The following PBX3 variants were observed in gnomAD, a reference collection of about 807,000 sequenced individuals.
The protein encoded by PBX3 is PBX homeobox 3.
Under a neutral mutation model 48.5 loss-of-function variants are expected in PBX3, and 14 were observed. That is an observed-to-expected ratio of 0.29 (90% CI 0.19 to 0.45). The LOEUF (loss-of-function observed/expected upper bound fraction) is 0.45. Ranked by LOEUF, PBX3 falls within the 20% of genes least tolerant of loss-of-function variation. The pLI, the probability that PBX3 is intolerant of heterozygous loss-of-function variation, is 1.00. For synonymous variants in PBX3, 210 were observed against 200.3 expected (o/e 1.05, Z -0.41); for missense variants, 386 against 546.7 (o/e 0.71, Z 2.93).
chr9:125,766,123 T>C (rs1386440153), intron 2 of PBX3, among the ~76,000 whole-genome samples: 1 of 152,122 alleles, frequency 6.6e-6, no homozygotes, highest in Non-Finnish European at 1.5e-5. Context: ...TCTATTTTTT[T>C]TAGCACACAG....
intron 2 of PBX3, among the ~76,000 whole-genome samples, chr9:125,899,229 T>TTATATATAAATATACATATG (rs1840852011): frequency 1.1e-5 from 1 of 95,152 alleles, no homozygotes; most frequent in African/African-American, 3.5e-5. Context: ...GTATATATAT[T>TTATATATAAATATACATATG]TATATATAAA....
chr9:125,804,921 T>C, intron 2 of PBX3, among the ~76,000 whole-genome samples: 1 of 38,412 alleles, frequency 2.6e-5, no homozygotes, highest in Non-Finnish European at 9.2e-5. Context: ...CACTCCAGCC[T>C]GGGTGACAAG....
intron 2 of PBX3, among the ~76,000 whole-genome samples, chr9:125,869,345 A>G (rs1473996794): frequency 6.6e-6 from 1 of 152,224 alleles, no homozygotes; most frequent in African/African-American, 2.4e-5. Context: ...TTGGAGAAGA[A>G]GCAATATTCA....
At chr9:125,873,852 A>G (rs904162866) in intron 2 of PBX3, among the ~76,000 whole-genome samples, 4 of 152,170 alleles carry the variant, frequency 2.6e-5, no homozygotes, top group Non-Finnish European at 5.9e-5. Flanking sequence ...GAGTTAAAGA[A>G]AAAGAAAACA....
At chr9:125,855,890 A>G (rs1839707468) in intron 2 of PBX3, among the ~76,000 whole-genome samples, 3 of 152,178 alleles carry the variant, frequency 2.0e-5, no homozygotes, top group Admixed American at 6.5e-5. Context: ...AAAATTTACA[A>G]CATTGTCTGC....
chr9:125,763,855 T>A (rs1836733560), intron 2 of PBX3, among the ~76,000 whole-genome samples: 1 of 152,224 alleles, frequency 6.6e-6, no homozygotes, highest in Non-Finnish European at 1.5e-5. Context: ...TTTTCCTCTC[T>A]GGTTTTTTTA....
At chr9:125,868,471 C>T (rs1209363407) in intron 2 of PBX3, among the ~76,000 whole-genome samples, 2 of 152,116 alleles carry the variant, frequency 1.3e-5, no homozygotes, top group Non-Finnish European at 1.5e-5. Flanking sequence ...CATGGCTGAG[C>T]CAGCGTAGTG....
chr9:125,801,891 T>C (rs1193157155), intron 2 of PBX3, among the ~76,000 whole-genome samples: 6 of 151,644 alleles, frequency 4.0e-5, no homozygotes, highest in African/African-American at 1.5e-4. Flanking sequence ...AAAACTCCAG[T>C]GTATATTTCA....
At chr9:125,924,535 T>C (rs545595626) in intron 3 of PBX3, among the ~76,000 whole-genome samples, 2 of 152,344 alleles carry the variant, frequency 1.3e-5, no homozygotes, top group South Asian at 2.1e-4. Context: ...CAGTTAACTT[T>C]TTGTACTCTG....
At chr9:125,753,741 C>T (rs1836439060) in intron 2 of PBX3, among the ~76,000 whole-genome samples, 1 of 151,982 alleles carries the variant, frequency 6.6e-6, no homozygotes, top group Admixed American at 6.6e-5. Flanking sequence ...TCTTTTAATA[C>T]ACTAGCAAAG....
intron 4 of PBX3, among the ~76,000 whole-genome samples, chr9:125,931,788 G>C (rs1270454545): frequency 6.6e-6 from 1 of 152,090 alleles, no homozygotes; most frequent in Admixed American, 6.5e-5. Flanking sequence ...AATGTAATAG[G>C]GTGATAAGTG....
At chr9:125,959,773 C>T (rs1842388036) in intron 5 of PBX3, among the ~76,000 whole-genome samples, 1 of 152,172 alleles carries the variant, frequency 6.6e-6, no homozygotes, top group Non-Finnish European at 1.5e-5. Context: ...TATTTTTAAA[C>T]TGTTGCTTTA....
At chr9:125,825,640 G>A (rs190077314) in intron 2 of PBX3, among the ~76,000 whole-genome samples, 77 of 152,160 alleles carry the variant, frequency 5.1e-4, no homozygotes, top group Admixed American at 8.5e-4. Context: ...CAGAAAATGT[G>A]ACATCTTAAT....
rs1842525514 is a variant in PBX3, at chr9:125,966,080, T to G, written c.*157T>G. 3.9e-6 allele frequency: 2 copies of G among 517,166 alleles called. No individual in the cohort carries two copies. The highest frequency in any genetic ancestry group is 6.9e-6 in the Non-Finnish European group (2 of 289,238). The allele number at this position is 517,166 out of a possible 1,614,324, so 32.0% of individuals were successfully genotyped here. ...GGTAAATCTGTTTTTTAAGGAATCA[T>G]AATCATTTGTATTTATACTTAAAAA... On this transcript the variant is annotated 3_prime_UTR_variant, in exon 9 of 9. Coordinates refer to ENST00000373489, the MANE Select transcript of PBX3 (RefSeq NM_006195.6).
intron 2 of PBX3, among the ~76,000 whole-genome samples, chr9:125,869,347 C>T (rs1300008969): frequency 6.6e-6 from 1 of 152,018 alleles, no homozygotes; most frequent in Non-Finnish European, 1.5e-5. Flanking sequence ...GGAGAAGAAG[C>T]AATATTCAAG....
At chr9:125,959,790 G>A (rs966454986) in intron 5 of PBX3, among the ~76,000 whole-genome samples, 2 of 152,216 alleles carry the variant, frequency 1.3e-5, no homozygotes, top group African/African-American at 4.8e-5. Context: ...TTTAATAAAA[G>A]AGAGGTCAGA....
chr9:125,947,188 CAG>C (rs1314821658), intron 5 of PBX3, among the ~76,000 whole-genome samples: 2 of 151,710 alleles, frequency 1.3e-5, no homozygotes, highest in South Asian at 2.1e-4. Context: ...TGTTTTCAGA[CAG>C]AAATAAAAAG....
Position 125,946,279 on chromosome 9 carries a change from C to G in PBX3, c.843+10672C>G, listed in dbSNP as rs1038746103. 2.6e-5 allele frequency among the ~76,000 whole-genome samples: 4 copies of G among 152,072 alleles called. No individual in the cohort carries two copies. In the East Asian group the frequency reaches 7.7e-4, roughly 29 times the overall value. ...TGGAGAAAGATAGCAGCATCCTAGG[C>G]TTCAAGTTGTTTCTATAAACAAAAC... On this transcript the variant is annotated intron_variant, in intron 5 of 8. Transcript: ENST00000373489.
At chr9:125,793,675 C>T (rs1010128137) in intron 2 of PBX3, among the ~76,000 whole-genome samples, 3 of 151,964 alleles carry the variant, frequency 2.0e-5, no homozygotes, top group African/African-American at 7.2e-5. Flanking sequence ...GGTAATCCGC[C>T]TGCCTCGTCC....
Sources: gnomAD v4.1 joint callset for allele counts (sites outside exome capture counted in the v4.1 genomes callset) on GRCh38, gnomAD v4.1.1 for gene constraint, MANE v1.5 for transcripts, NCBI Gene and HGNC (gene_info 2026-07-23, HGNC 2026-07-21) for gene names.